Variants in ITPR2 observed in about 807,000 individuals in gnomAD.
ITPR2 encodes the protein inositol 1,4,5-trisphosphate receptor type 2.
A neutral mutation model predicts 317.1 loss-of-function variants in ITPR2; 207 were observed. The observed-to-expected ratio is 0.65, with a 90% CI of 0.58 to 0.73. The LOEUF is 0.73. Among genes scored for constraint, ITPR2 ranks in the 30% least tolerant of loss-of-function variants. The pLI is 0.00. For missense variants in ITPR2, 2,613 were observed against 3,284.0 expected (o/e 0.80, Z 4.99); for synonymous variants, 1,156 against 1,149.1 (o/e 1.01, Z -0.12).
In ITPR2 at chr12:26,352,128, C is replaced by G. The variant is rs919417145; in HGVS notation, c.7858-11800G>C. Reference sequence around the variant, plus strand: ...TGGGTCCAGTCTTCTGTGACAGAAGCTGAAAAGGCTGATACTCTGTCTGCC... The same window carrying G: ...TGGGTCCAGTCTTCTGTGACAGAAGGTGAAAAGGCTGATACTCTGTCTGCC... On this transcript the variant is annotated intron_variant, in intron 55 of 56. Coordinates refer to ENST00000381340, the MANE Select transcript of ITPR2 (RefSeq NM_002223.4). Among the ~76,000 whole-genome samples the G allele has an allele frequency of 2.0e-5, 3 of 152,318 alleles. 1 individual carries two copies. Among genetic ancestry groups the G allele is most frequent in the Admixed American group, 6.5e-5 (1 of 15,302 alleles).
chr12:26,511,610 A>AT (rs947535563), intron 37 of ITPR2, among the ~76,000 whole-genome samples: 3 of 151,942 alleles, frequency 2.0e-5, no homozygotes, highest in African/African-American at 7.3e-5. Context: ...TTCCTAATAG[A>AT]TTTTTTTCAT....
intron 13 of ITPR2, among the ~76,000 whole-genome samples, chr12:26,679,809 C>T (rs761926797): frequency 2.0e-4 from 31 of 151,936 alleles, no homozygotes; most frequent in Middle Eastern, 3.2e-3. Context: ...CGGGATCAAC[C>T]TCCTCCTCCA....
intron 34 of ITPR2, among the ~76,000 whole-genome samples, chr12:26,563,230 A>C (rs1467298850): frequency 6.6e-6 from 1 of 152,232 alleles, no homozygotes; most frequent in Non-Finnish European, 1.5e-5. Context: ...AGAACTTGAT[A>C]GAGAAGCAAA....
At chr12:26,526,870 A>T (rs968251301) in intron 37 of ITPR2, among the ~76,000 whole-genome samples, 2 of 152,228 alleles carry the variant, frequency 1.3e-5, no homozygotes, top group African/African-American at 4.8e-5. Flanking sequence ...AATGACACCT[A>T]AAATTTTGGT....
chr12:26,424,369 TC>T (rs2136695594), intron 49 of ITPR2, among the ~76,000 whole-genome samples: 1 of 152,284 alleles, frequency 6.6e-6, no homozygotes, highest in South Asian at 2.1e-4. Flanking sequence ...CTTTTGTTTT[TC>T]TTATTTCTGA....
chr12:26,349,686 C>T (rs7132437), intron 55 of ITPR2, among the ~76,000 whole-genome samples: 24,592 of 152,286 alleles, frequency 0.16, 2,209 homozygotes, highest in African/African-American at 0.21. Flanking sequence ...GCCTTAGAGA[C>T]GTGCATGGCA....
intron 21 of ITPR2, among the ~76,000 whole-genome samples, chr12:26,652,197 G>A (rs1025882385): frequency 1.3e-5 from 2 of 152,160 alleles, no homozygotes; most frequent in Non-Finnish European, 2.9e-5. Flanking sequence ...AGCTTGCAAT[G>A]GGAGCTCACC....
At chr12:26,696,601 A>G (rs1410835798) in intron 9 of ITPR2, among the ~76,000 whole-genome samples, 1 of 152,200 alleles carries the variant, frequency 6.6e-6, no homozygotes, top group Non-Finnish European at 1.5e-5. Flanking sequence ...CTCATTAAGA[A>G]CTAAGGCTGA....
intron 55 of ITPR2, among the ~76,000 whole-genome samples, chr12:26,343,100 C>T (rs1047711012): frequency 5.3e-5 from 8 of 152,272 alleles, no homozygotes; most frequent in African/African-American, 1.4e-4. Context: ...GCTGGTGCCA[C>T]GCTTCTTGTG....
At chr12:26,567,980 A>ATATATATATATATAGTATATATAT (rs1945033024) in intron 34 of ITPR2, among the ~76,000 whole-genome samples, 6 of 7,596 alleles carry the variant, frequency 7.9e-4, no homozygotes, top group Admixed American at 5.6e-3. Context: ...TATATATATT[A>ATATATATATATATAGTATATATAT]TATATATATA....
intron 45 of ITPR2, among the ~76,000 whole-genome samples, chr12:26,469,232 A>G (rs558528792): frequency 1.3e-5 from 2 of 152,336 alleles, no homozygotes; most frequent in Admixed American, 6.5e-5. Context: ...AATGCCTGAC[A>G]TAAGAGGTGT....
chr12:26,346,498 C>T (rs914771390), intron 55 of ITPR2, among the ~76,000 whole-genome samples: 1 of 152,090 alleles, frequency 6.6e-6, no homozygotes, highest in African/African-American at 2.4e-5. Context: ...TAGCGGGCAC[C>T]TGTAATCCCA....
Position 26,716,168 on chromosome 12 carries a change from A to G in ITPR2, c.600T>C (p.Leu200=). The stretch of plus-strand genomic sequence containing the variant: ...CCTCTTTACACCCTGGGTTATCAAG[A>G]AGCTCTATGTTGCTGGCATGTAGTG... The part of the protein sequence containing the change: ...GQPLHASNIE[L]LDNPGCKEVN... The change falls in exon 6 of 57, where the codon CTT becomes CTC. Residue 200 remains leucine, a synonymous_variant. Coordinates refer to ENST00000381340, the MANE Select transcript of ITPR2 (RefSeq NM_002223.4). 6.2e-7 allele frequency: 1 copy of G among 1,613,072 alleles called. No homozygotes were observed.
intron 8 of ITPR2, among the ~76,000 whole-genome samples, chr12:26,714,574 T>C (rs1191708394): frequency 6.6e-6 from 1 of 152,170 alleles, no homozygotes; most frequent in Non-Finnish European, 1.5e-5. Context: ...AAATTTCATT[T>C]TAGAATATTA....
intron 45 of ITPR2, among the ~76,000 whole-genome samples, chr12:26,447,509 A>G (rs1259811666): frequency 1.5e-5 from 2 of 130,072 alleles, no homozygotes; most frequent in African/African-American, 5.9e-5. Flanking sequence ...TATGGGTCCA[A>G]GTAAGGACAG....
At chr12:26,534,458 A>G (rs2136966784) in intron 37 of ITPR2, among the ~76,000 whole-genome samples, 1 of 152,332 alleles carries the variant, frequency 6.6e-6, no homozygotes, top group African/African-American at 2.4e-5. Flanking sequence ...TATTCTAAAT[A>G]TAAATTTCAC....
chr12:26,772,106 T>C, intron 2 of ITPR2, among the ~76,000 whole-genome samples: 1 of 151,980 alleles, frequency 6.6e-6, no homozygotes, highest in Non-Finnish European at 1.5e-5. Flanking sequence ...ATCTCAGTAT[T>C]ATACTCGAAA....
At chr12:26,409,619 A>G (rs1940476487) in intron 52 of ITPR2, among the ~76,000 whole-genome samples, 1 of 151,788 alleles carries the variant, frequency 6.6e-6, no homozygotes, top group Non-Finnish European at 1.5e-5. Flanking sequence ...AAAATTTACA[A>G]TCATTCTTAG....
At chr12:26,621,468 G>C (rs12303865) in intron 25 of ITPR2, among the ~76,000 whole-genome samples, 172 bp from the exon 26 acceptor site, 37,515 of 152,022 alleles carry the variant, frequency 0.25, 5,131 homozygotes, top group African/African-American at 0.37. Context: ...ACTTTTCAAA[G>C]TGATTTAAGA....
Sources: gnomAD v4.1 joint callset for allele counts (sites outside exome capture counted in the v4.1 genomes callset) on GRCh38, gnomAD v4.1.1 for gene constraint, MANE v1.5 for transcripts, NCBI Gene and HGNC (gene_info 2026-07-23, HGNC 2026-07-21) for gene names.